ZC3H18: variants seen among roughly 807,000 people sequenced by gnomAD.
ZC3H18 encodes zinc finger CCCH-type containing 18.
ZC3H18 carries 8 observed loss-of-function variants against 106.1 expected under a neutral mutation model. The ratio of observed to expected loss-of-function variants is 0.08; its 90% CI spans 0.04 to 0.14. The LOEUF (loss-of-function observed/expected upper bound fraction) is 0.14. Ranked by LOEUF, ZC3H18 falls within the 10% of genes least tolerant of loss-of-function variation. The pLI, the probability that ZC3H18 is intolerant of heterozygous loss-of-function variation, is 1.00. For synonymous variants in ZC3H18, 635 were observed against 522.1 expected (o/e 1.22, Z -2.95); for missense variants, 1,318 against 1,278.4 (o/e 1.03, Z -0.47).
At chr16:88,616,253 T>G (rs1364482552) in intron 8 of ZC3H18, among the ~76,000 whole-genome samples, 1 of 152,048 alleles carries the variant, frequency 6.6e-6, no homozygotes, top group East Asian at 1.9e-4. Context: ...TTTCTTAAAA[T>G]CAAACACAGC....
chr16:88,570,872 C>G (rs1042534582), intron 1 of ZC3H18, among the ~76,000 whole-genome samples: 2 of 152,268 alleles, frequency 1.3e-5, no homozygotes, highest in Admixed American at 1.3e-4. Flanking sequence ...CATTTCTCTT[C>G]CGGGCCACTC....
At chr16:88,602,226 C>T (rs1312967028) in intron 6 of ZC3H18, among the ~76,000 whole-genome samples, 2 of 152,230 alleles carry the variant, frequency 1.3e-5, no homozygotes, top group Non-Finnish European at 2.9e-5. Context: ...AGGAGGGTGG[C>T]TGGCAGCCCA....
chr16:88,625,340 T>C, intron 13 of ZC3H18, 73 bp downstream of exon 13: 1 of 1,539,362 alleles, frequency 6.5e-7, no homozygotes. Context: ...GCAGCCAGTG[T>C]GGGTTGGGCT....
intron 2 of ZC3H18, among the ~76,000 whole-genome samples, chr16:88,578,445 A>G (rs968244332): frequency 6.6e-6 from 1 of 152,172 alleles, no homozygotes; most frequent in Non-Finnish European, 1.5e-5. Context: ...GAAACACCCC[A>G]AAGTCCTCCT....
rs1567600862 is a variant in ZC3H18 at position 88,627,948 on chromosome 16, A to C, written c.2298A>C (p.Lys766Asn). 10 of 1,614,128 alleles carry C rather than the reference A, an allele frequency of 6.2e-6. No homozygotes were observed. Among genetic ancestry groups the C allele is most frequent in the Non-Finnish European group, 8.5e-6 (10 of 1,180,034 alleles). ...KGKSKKEDGV[K>N]EEKRKRDSST... ...AATCTAAGAAAGAAGACGGTGTTAAAGAGGAAAAGCGGAAAAGGGATTCGT... is the reference window on the plus strand; with the variant it reads ...AATCTAAGAAAGAAGACGGTGTTAACGAGGAAAAGCGGAAAAGGGATTCGT... The change falls in exon 15 of 18, where the codon AAA becomes AAC. Residue 766 changes from lysine (K) to asparagine (N), a missense_variant. Lys to Asn is a moderately conservative substitution (Grantham distance 94). Transcript: ENST00000301011. This position sits in a 1 kb window ranked among gnomAD's most constrained non-coding sequence, Gnocchi z 4.5.
At chr16:88,596,905 A>T (rs779401410) in intron 3 of ZC3H18, among the ~76,000 whole-genome samples, 2 of 152,022 alleles carry the variant, frequency 1.3e-5, no homozygotes, top group Admixed American at 6.6e-5. Flanking sequence ...ATAGAATAAC[A>T]TTTCCCAACC....
At position 88,622,218 on chromosome 16, in the gene ZC3H18, G is replaced by A. The variant is rs1906009883; in HGVS notation, c.1497G>A (p.Lys499=). The change falls in exon 9 of 18, where the codon AAG becomes AAA. Residue 499 remains lysine, a synonymous_variant. Transcript: ENST00000301011. ...TCAGCCGCCAAGCTGAGCCACCAAAGAAGGAGGCTGCCACCACGGGGCCGC... is the reference window on the plus strand; with the variant it reads ...TCAGCCGCCAAGCTGAGCCACCAAAAAAGGAGGCTGCCACCACGGGGCCGC... ...QPPSRQAEPP[K]KEAATTGPQV... The A allele has an allele frequency of 4.3e-6, 7 of 1,610,660 alleles. No homozygotes were observed. In the East Asian group the frequency reaches 1.6e-4, roughly 36 times the overall value.
intron 7 of ZC3H18, among the ~76,000 whole-genome samples, chr16:88,610,755 T>C (rs1162551180): frequency 6.6e-6 from 1 of 152,274 alleles, no homozygotes; most frequent in Non-Finnish European, 1.5e-5. Context: ...GGGTGCCTGC[T>C]CTGCTCCAGA....
Position 88,598,216 on chromosome 16 carries a change from C to A in ZC3H18, c.727C>A (p.Pro243Thr), listed in dbSNP as rs745354392. 2 of 1,613,550 alleles carry A rather than the reference C, an allele frequency of 1.2e-6. No homozygotes were observed. The highest frequency in any genetic ancestry group is 8.5e-7 in the Non-Finnish European group (1 of 1,179,880). ...TWGMNCRFIH[P>T]GVNDKGNYSL... ...GGGAATGAATTGTAGGTTTATACAC[C>A]CTGGAGTGAACGACAAGGGGAACTA... Residue 243 changes from proline to threonine, a missense_variant, in exon 4 of 18, where the codon CCT (proline) becomes ACT (threonine). Transcript: ENST00000301011.
At chr16:88,628,577 G>GT (rs1906462921) in intron 15 of ZC3H18, 181 bp from the exon 16 acceptor site, 1 of 632,626 alleles carries the variant, frequency 1.6e-6, no homozygotes, top group Non-Finnish European at 2.8e-6. Context: ...CAAGTGCACA[G>GT]TGGGGGTGCC....
intron 8 of ZC3H18, among the ~76,000 whole-genome samples, chr16:88,621,354 A>T (rs1905947084): frequency 6.6e-6 from 1 of 151,902 alleles, no homozygotes; most frequent in African/African-American, 2.4e-5. Context: ...CCCCCCAAGT[A>T]GCTGGGACTA....
chr16:88,577,386 T>C lies in ZC3H18; in HGVS notation c.263T>C (p.Leu88Pro), dbSNP rs748676267. ...SQDQDSEVNE[L>P]SRGPTSSPCE... ...GACCAGGACTCAGAGGTGAATGAGC[T>C]GAGCCGGGGCCCGACCAGCTCCCCC... The change falls in exon 2 of 18, where the codon CTG (leucine) becomes CCG (proline). Residue 88 changes from leucine (L) to proline (P), a missense_variant. Physicochemically the swap from Leu to Pro is moderately conservative, Grantham distance 98. Transcript: ENST00000301011. The C allele has an allele frequency of 1.3e-6, 2 of 1,596,464 alleles. No homozygotes were observed. Among genetic ancestry groups the C allele is most frequent in the South Asian group, 2.2e-5 (2 of 89,038 alleles).
At chr16:88,590,428 A>G (rs190040254) in intron 3 of ZC3H18, among the ~76,000 whole-genome samples, 1 of 152,066 alleles carries the variant, frequency 6.6e-6, no homozygotes. Context: ...ATACACTACA[A>G]CTGGAGCTGT....
At position 88,628,857 on chromosome 16, in the gene ZC3H18, G is replaced by A. The variant is rs756964674; in HGVS notation, c.2566+3G>A. On this transcript the variant is annotated splice_donor_region_variant and intron_variant, in intron 16 of 17. Transcript: ENST00000301011. ...GCCCAACACATCCCCAGACCGAGGT[G>A]AGCCTCCCAGCCCCTAGGGGGCAGG... The A allele has an allele frequency of 4.6e-5, 75 of 1,613,996 alleles. 2 individuals are homozygous for A. The South Asian group carries it at 8.1e-4, about 17-fold the overall frequency.
intron 3 of ZC3H18, among the ~76,000 whole-genome samples, chr16:88,596,642 A>G (rs1597335715): frequency 1.3e-5 from 2 of 150,204 alleles, no homozygotes; most frequent in South Asian, 4.2e-4. Context: ...TCAGAGTGAG[A>G]CTCCATCTGA....
At chr16:88,585,074 A>G (rs60886897) in intron 2 of ZC3H18, among the ~76,000 whole-genome samples, 202 of 152,388 alleles carry the variant, frequency 1.3e-3, no homozygotes, top group African/African-American at 4.7e-3. Flanking sequence ...AAGAAGACAC[A>G]AACTAAAAGA....
Position 88,621,978 on chromosome 16 carries a change from T to A in ZC3H18, c.1476-219T>A, listed in dbSNP as rs569041629. Among the ~76,000 whole-genome samples, 13 of 152,272 alleles carry A rather than the reference T, an allele frequency of 8.5e-5. No homozygotes were observed. In the South Asian group the frequency reaches 2.1e-3, roughly 24 times the overall value. On this transcript the variant is annotated intron_variant, in intron 8 of 17. Coordinates refer to ENST00000301011, the MANE Select transcript of ZC3H18 (RefSeq NM_144604.4). ...TTCAGGAGAAATCTGGGTGTTCCCCTGAGTAACAGACACTGAGCCAAGGGC... is the reference window on the plus strand; with the variant it reads ...TTCAGGAGAAATCTGGGTGTTCCCCAGAGTAACAGACACTGAGCCAAGGGC...
chr16:88,606,311 T>C (rs1905007139), intron 6 of ZC3H18, among the ~76,000 whole-genome samples: 1 of 152,234 alleles, frequency 6.6e-6, no homozygotes. Flanking sequence ...CCTGGTGGCG[T>C]GTTGTGTTGA....
chr16:88,592,570 G>A (rs1915815023), intron 3 of ZC3H18, among the ~76,000 whole-genome samples: 1 of 152,160 alleles, frequency 6.6e-6, no homozygotes, highest in Non-Finnish European at 1.5e-5. Flanking sequence ...CACCTCCCGG[G>A]TTCAAACGAT....
Sources: gnomAD v4.1 joint callset for allele counts (sites outside exome capture counted in the v4.1 genomes callset) on GRCh38, gnomAD v4.1.1 for gene constraint, Gnocchi (gnomAD v3.1) non-coding constraint, MANE v1.5 for transcripts, NCBI Gene and HGNC (gene_info 2026-07-23, HGNC 2026-07-21) for gene names.